PRDM5: variants seen among roughly 807,000 people sequenced by gnomAD.
PRDM5 encodes PR domain zinc finger protein 5.
Under a neutral mutation model 81.2 loss-of-function variants are expected in PRDM5, and 56 were observed. The observed-to-expected ratio is 0.69, with a 90% CI of 0.56 to 0.86. PRDM5 has a LOEUF of 0.86. Among genes scored for constraint, PRDM5 ranks in the 40% least tolerant of loss-of-function variants. The pLI, the probability that PRDM5 is intolerant of heterozygous loss-of-function variation, is 0.00. For synonymous variants in PRDM5, 267 were observed against 256.4 expected, an observed-to-expected ratio of 1.04 and a Z score of -0.39; for missense variants, 697 against 770.1, an observed-to-expected ratio of 0.91 and a Z score of 1.12.
rs192933284 is a variant in PRDM5 at position 120,737,101 on chromosome 4, G to A, written c.1623+17452C>T. ...CCCACCTGAGCTTCATCTGTCAGGC[G>A]TGTCAGGCAGATAACTAGGGTGAGA... On this transcript the variant is annotated intron_variant, in intron 14 of 15. Coordinates refer to ENST00000264808, the MANE Select transcript of PRDM5 (RefSeq NM_018699.4). Among the ~76,000 whole-genome samples the A allele has an allele frequency of 7.8e-4, 119 of 152,234 alleles. 1 individual carries two copies. The highest frequency in any genetic ancestry group is 2.6e-3 in the African/African-American group (108 of 41,528).
At chr4:120,723,550 A>G (rs1738934941) in intron 14 of PRDM5, among the ~76,000 whole-genome samples, 1 of 152,208 alleles carries the variant, frequency 6.6e-6, no homozygotes, top group Non-Finnish European at 1.5e-5. Context: ...TCACCATCTT[A>G]AAAAATTATG....
chr4:120,801,091 T>C (rs111707290), intron 8 of PRDM5, among the ~76,000 whole-genome samples: 9 of 152,212 alleles, frequency 5.9e-5, no homozygotes, highest in African/African-American at 2.2e-4. Flanking sequence ...CACAATGTTG[T>C]TGAATATTCA....
chr4:120,685,157 T>C (rs1167098764), intron 1 of PRDM5: 2 of 152,074 alleles, frequency 1.3e-5, no homozygotes, highest in Non-Finnish European at 2.9e-5. Context: ...ATGAGCTATA[T>C]CACTTAAAAT....
At chr4:120,739,217 C>T (rs1217204501) in intron 14 of PRDM5, among the ~76,000 whole-genome samples, 1 of 152,208 alleles carries the variant, frequency 6.6e-6, no homozygotes, top group East Asian at 1.9e-4. Context: ...TATCCTAGAA[C>T]ATCACTTCTG....
intron 10 of PRDM5, among the ~76,000 whole-genome samples, chr4:120,795,232 C>A (rs1751180889): frequency 6.6e-6 from 1 of 152,104 alleles, no homozygotes; most frequent in Admixed American, 6.6e-5. Flanking sequence ...GTAAGTGGTG[C>A]CAGCTCTAGG....
At position 120,920,910 on chromosome 4, in the gene PRDM5, A is replaced by G. The variant is rs116366002; in HGVS notation, c.93+1606T>C. The stretch of plus-strand genomic sequence containing the variant: ...AAGCTGTTCATTTCATTGCATGCCC[A>G]AAAATAAAATACTTACAAAGAATCA... On this transcript the variant is annotated intron_variant, in intron 1 of 15. Transcript: ENST00000264808. 2.9e-3 allele frequency among the ~76,000 whole-genome samples: 442 copies of G among 152,342 alleles called. 2 individuals are homozygous for G. The highest frequency in any genetic ancestry group is 0.01 in the African/African-American group (423 of 41,562).
At chr4:120,849,322 T>A (rs1759001027) in intron 3 of PRDM5, among the ~76,000 whole-genome samples, 2 of 152,158 alleles carry the variant, frequency 1.3e-5, no homozygotes, top group African/African-American at 4.8e-5. Context: ...GGATAAATTG[T>A]TTATGACTAT....
chr4:120,827,958 C>T (rs1031489304), intron 3 of PRDM5, among the ~76,000 whole-genome samples: 7 of 152,086 alleles, frequency 4.6e-5, no homozygotes, highest in Non-Finnish European at 7.4e-5. Context: ...CTGCTAATTA[C>T]GTAGCCAAGA....
intron 2 of PRDM5, among the ~76,000 whole-genome samples, chr4:120,883,406 A>G (rs1256976467): frequency 6.6e-6 from 1 of 152,192 alleles, no homozygotes; most frequent in African/African-American, 2.4e-5. Context: ...AATAAATACT[A>G]AAAACTGATA....
chr4:120,791,752 C>T (rs997757772), intron 10 of PRDM5, among the ~76,000 whole-genome samples: 2 of 152,164 alleles, frequency 1.3e-5, no homozygotes, highest in Non-Finnish European at 2.9e-5. Flanking sequence ...TCATAGGTTG[C>T]GTCTTAACCC....
At chr4:120,747,147 A>T (rs1263699157) in intron 14 of PRDM5, among the ~76,000 whole-genome samples, 1 of 150,790 alleles carries the variant, frequency 6.6e-6, no homozygotes, top group Non-Finnish European at 1.5e-5. Context: ...ACATGGATGA[A>T]ATTGGAAACC....
At chr4:120,695,379 C>T in intron 15 of PRDM5, 104 bp from the exon 16 acceptor site, 1 of 1,278,200 alleles carries the variant, frequency 7.8e-7, no homozygotes, top group Non-Finnish European at 1.1e-6. Context: ...TAAGTTACTG[C>T]ATTTAATCGG....
intron 2 of PRDM5, among the ~76,000 whole-genome samples, chr4:120,877,641 C>A (rs1579083655): frequency 6.6e-6 from 1 of 152,224 alleles, no homozygotes; most frequent in Admixed American, 6.5e-5. Context: ...CTCGTCTCTA[C>A]TAACAATACA....
chr4:120,862,445 A>T (rs1220692670), intron 2 of PRDM5, among the ~76,000 whole-genome samples: 2 of 152,238 alleles, frequency 1.3e-5, no homozygotes, highest in South Asian at 2.1e-4. Flanking sequence ...GGTGTAAAGT[A>T]ACATACAATG....
At chr4:120,818,621 T>C in intron 4 of PRDM5, 94 bp from the exon 5 acceptor site, 1 of 1,034,406 alleles carries the variant, frequency 9.7e-7, no homozygotes, top group South Asian at 1.3e-5. Flanking sequence ...TAATTAATTG[T>C]GCTTAATGAT....
intron 3 of PRDM5, among the ~76,000 whole-genome samples, chr4:120,827,045 C>A (rs552464354): frequency 6.6e-6 from 1 of 152,252 alleles, no homozygotes; most frequent in East Asian, 1.9e-4. Flanking sequence ...ATTCAGTCAA[C>A]AAATCTACAA....
intron 3 of PRDM5, among the ~76,000 whole-genome samples, chr4:120,848,778 C>T (rs1758933395): frequency 6.6e-6 from 1 of 152,110 alleles, no homozygotes; most frequent in Admixed American, 6.5e-5. Flanking sequence ...CCACATAAGA[C>T]CAAAGTAGAG....
chr4:120,854,952 G>C (rs547127488), intron 2 of PRDM5, among the ~76,000 whole-genome samples: 1 of 152,210 alleles, frequency 6.6e-6, no homozygotes, highest in East Asian at 1.9e-4. Flanking sequence ...AGAAGGTTAT[G>C]AGGCTGGAAC....
At chr4:120,920,364 A>G (rs750472937) in intron 1 of PRDM5, among the ~76,000 whole-genome samples, 3 of 152,222 alleles carry the variant, frequency 2.0e-5, no homozygotes, top group Non-Finnish European at 4.4e-5. Flanking sequence ...TAGAATAGAG[A>G]GCATAAAAAC....
Sources: gnomAD v4.1 joint callset for allele counts (sites outside exome capture counted in the v4.1 genomes callset) on GRCh38, gnomAD v4.1.1 for gene constraint, MANE v1.5 for transcripts, NCBI Gene and HGNC (gene_info 2026-07-23, HGNC 2026-07-21) for gene names.